Variants in IL1RAPL1 observed in about 807,000 individuals in gnomAD.
The protein encoded by IL1RAPL1 is interleukin 1 receptor accessory protein like 1.
IL1RAPL1 carries 3 observed loss-of-function variants against 48.4 expected under a neutral mutation model. The observed-to-expected ratio is 0.06, with a 90% confidence interval of 0.03 to 0.16. IL1RAPL1 has a LOEUF of 0.16. IL1RAPL1 is among the 10% of genes least tolerant of loss of function. The pLI, the probability that IL1RAPL1 is intolerant of heterozygous loss-of-function variation, is 1.00. For synonymous variants in IL1RAPL1, 185 were observed against 187.7 expected (o/e 0.99, Z 0.12); for missense variants, 349 against 530.6 (o/e 0.66, Z 3.36).
At chrX:29,579,775 A>G (rs929736092) in intron 5 of IL1RAPL1, among the ~76,000 whole-genome samples, 1 of 111,898 alleles carries the variant, frequency 8.9e-6, no homozygotes, top group Non-Finnish European at 1.9e-5. Flanking sequence ...GAAAACCAAC[A>G]TATCTAACTC....
chrX:29,371,564 T>A (rs773267104), intron 3 of IL1RAPL1, among the ~76,000 whole-genome samples: 1 of 111,845 alleles, frequency 8.9e-6, no homozygotes, highest in South Asian at 3.8e-4. Flanking sequence ...TAGTACCCGA[T>A]AGGTAGTTTT....
At chrX:29,346,754 T>A (rs956317278) in intron 3 of IL1RAPL1, among the ~76,000 whole-genome samples, 2 of 112,277 alleles carry the variant, frequency 1.8e-5, no homozygotes, top group Non-Finnish European at 3.8e-5. Context: ...GTGAATTACA[T>A]TTCTCAGGGT....
intron 2 of IL1RAPL1, among the ~76,000 whole-genome samples, chrX:28,889,262 A>G (rs1405578320): frequency 9.0e-6 from 1 of 111,701 alleles, no homozygotes; most frequent in African/African-American, 3.2e-5. Context: ...CATAAAGAGC[A>G]TATTATTACA....
At chrX:28,962,902 G>C (rs948770576) in intron 2 of IL1RAPL1, among the ~76,000 whole-genome samples, 4 of 109,567 alleles carry the variant, frequency 3.7e-5, no homozygotes, top group African/African-American at 1.3e-4. Context: ...GTGTGTGTGT[G>C]TGTGTGTGTG....
At chrX:29,043,312 T>G (rs1926885539) in intron 2 of IL1RAPL1, among the ~76,000 whole-genome samples, 1 of 111,591 alleles carries the variant, frequency 9.0e-6, no homozygotes, top group Non-Finnish European at 1.9e-5. Flanking sequence ...CCTATCCTCA[T>G]TTTTAATTCA....
intron 1 of IL1RAPL1, among the ~76,000 whole-genome samples, chrX:28,745,451 G>C (rs1455257504): frequency 8.9e-6 from 1 of 111,771 alleles, no homozygotes; most frequent in East Asian, 2.8e-4. Flanking sequence ...AAATAGGTAG[G>C]GCAGAGCAAG....
chrX:29,888,257 T>C (rs1405364290), intron 6 of IL1RAPL1, among the ~76,000 whole-genome samples: 1 of 108,169 alleles, frequency 9.2e-6, no homozygotes, highest in Non-Finnish European at 1.9e-5. Context: ...AGAGTCTTGC[T>C]CTGTTGCCCA....
At chrX:29,254,504 A>G (rs1168865415) in intron 2 of IL1RAPL1, among the ~76,000 whole-genome samples, 1 of 109,884 alleles carries the variant, frequency 9.1e-6, no homozygotes, top group Non-Finnish European at 1.9e-5. Flanking sequence ...GAGAAGGGAG[A>G]GAGAGAGGCA....
intron 2 of IL1RAPL1, among the ~76,000 whole-genome samples, chrX:28,958,094 G>A (rs945062458): frequency 9.0e-5 from 10 of 111,341 alleles, no homozygotes; most frequent in Non-Finnish European, 1.5e-4. Context: ...TATCATATGC[G>A]TCACCTCACA....
At chrX:29,856,647 T>G (rs767311485) in intron 6 of IL1RAPL1, among the ~76,000 whole-genome samples, 1 of 111,810 alleles carries the variant, frequency 8.9e-6, no homozygotes, top group African/African-American at 3.2e-5. Flanking sequence ...TGTGGATCTG[T>G]AGCTGAATTC....
chrX:28,722,915 A>G (rs935414671), intron 1 of IL1RAPL1, among the ~76,000 whole-genome samples: 4 of 110,619 alleles, frequency 3.6e-5, no homozygotes, highest in Non-Finnish European at 7.5e-5. Flanking sequence ...GCGTATGTTG[A>G]ACCAGCCTTG....
At chrX:28,676,664 C>T (rs1396306576) in intron 1 of IL1RAPL1, among the ~76,000 whole-genome samples, 1 of 108,223 alleles carries the variant, frequency 9.2e-6, no homozygotes, top group Non-Finnish European at 1.9e-5. Flanking sequence ...ACCAGGGAGG[C>T]AGAGGTTGCA....
chrX:29,613,621 G>A (rs763596349), intron 5 of IL1RAPL1, among the ~76,000 whole-genome samples: 1 of 110,339 alleles, frequency 9.1e-6, no homozygotes, highest in African/African-American at 3.3e-5. Context: ...TGCTATAAAT[G>A]ATAGATAAAT....
intron 1 of IL1RAPL1, among the ~76,000 whole-genome samples, chrX:28,674,730 TA>T (rs1375777144): frequency 8.9e-6 from 1 of 111,987 alleles, no homozygotes; most frequent in Non-Finnish European, 1.9e-5. Flanking sequence ...ACTTATGTTT[TA>T]ATAGCTTGAA....
intron 2 of IL1RAPL1, among the ~76,000 whole-genome samples, chrX:29,026,355 C>T (rs1446490529): frequency 8.9e-6 from 1 of 111,846 alleles, no homozygotes; most frequent in East Asian, 2.8e-4. Flanking sequence ...AAAGCTCATC[C>T]AAATTTGCAG....
At chrX:29,456,050 C>A (rs1194858606) in intron 5 of IL1RAPL1, among the ~76,000 whole-genome samples, 1 of 104,815 alleles carries the variant, frequency 9.5e-6, no homozygotes, top group Non-Finnish European at 1.9e-5. Flanking sequence ...TATTTTTTTC[C>A]TTTTAGAAAA....
intron 2 of IL1RAPL1, among the ~76,000 whole-genome samples, chrX:29,109,035 CA>C (rs1331341580): frequency 9.1e-6 from 1 of 110,366 alleles, no homozygotes; most frequent in Non-Finnish European, 1.9e-5. Context: ...ATATAATATG[CA>C]AACTAAAGCA....
intron 2 of IL1RAPL1, among the ~76,000 whole-genome samples, chrX:29,277,400 T>G (rs1447374246): frequency 8.9e-6 from 1 of 112,336 alleles, no homozygotes; most frequent in Admixed American, 9.4e-5. Flanking sequence ...AGGAATAACA[T>G]GATCCCACAC....
chrX:29,382,913 C>A (rs1465370889), intron 3 of IL1RAPL1, among the ~76,000 whole-genome samples: 1 of 111,882 alleles, frequency 8.9e-6, no homozygotes, highest in Non-Finnish European at 1.9e-5. Context: ...AAGAGAGCTG[C>A]ATTCACAGTA....
Sources: allele counts gnomAD v4.1 joint callset (sites outside exome capture counted in the v4.1 genomes callset), GRCh38; gene constraint gnomAD v4.1.1; transcripts MANE v1.5; gene names NCBI Gene and HGNC (gene_info 2026-07-23, HGNC 2026-07-21).